The following LGSN variants were observed in gnomAD, a reference collection of about 807,000 sequenced individuals.
LGSN encodes lengsin.
Under a neutral mutation model 19.5 loss-of-function variants are expected in LGSN, and 21 were observed. That is an observed-to-expected ratio of 1.07 (90% CI 0.76 to 1.55). The LOEUF (loss-of-function observed/expected upper bound fraction) is 1.55, where lower values mean the gene tolerates loss of function less well. Ranked by LOEUF, LGSN falls within the 40% of genes most tolerant of loss-of-function variation. LGSN has a pLI of 0.00. For synonymous variants in LGSN, 257 were observed against 215.6 expected, an observed-to-expected ratio of 1.19 and a Z score of -1.68; for missense variants, 673 against 608.5, an observed-to-expected ratio of 1.11 and a Z score of -1.12.
At chr6:63,304,888 C>T (rs1043521286) in intron 1 of LGSN, among the ~76,000 whole-genome samples, 13 of 152,118 alleles carry the variant, frequency 8.5e-5, no homozygotes, top group Admixed American at 7.9e-4. Flanking sequence ...CAATAATGTG[C>T]TAAGACAGAA....
At chr6:63,500,692 A>G in the LGSN span, among the ~76,000 whole-genome samples, 1 of 151,106 alleles carries the variant, frequency 6.6e-6, no homozygotes, top group African/African-American at 2.4e-5. Flanking sequence ...AAATGCTGGG[A>G]TTACAGGCGT....
the LGSN span, among the ~76,000 whole-genome samples, chr6:63,561,692 A>T: frequency 1.3e-5 from 2 of 152,232 alleles, no homozygotes; most frequent in African/African-American, 2.4e-5. Context: ...CTTGGTTTAT[A>T]GCCACAAACA....
the LGSN span, among the ~76,000 whole-genome samples, chr6:63,466,132 T>C: frequency 6.6e-6 from 1 of 152,214 alleles, no homozygotes; most frequent in Non-Finnish European, 1.5e-5. Context: ...ACTCCTGGCC[T>C]CAAGAGATCC....
chr6:63,303,725 C>A (rs1385098289), intron 1 of LGSN, among the ~76,000 whole-genome samples: 4 of 152,154 alleles, frequency 2.6e-5, no homozygotes, highest in Admixed American at 6.5e-5. Flanking sequence ...TACAGTCAAA[C>A]CCTTCATGGT....
chr6:63,420,096 T>G, the LGSN span, among the ~76,000 whole-genome samples: 4 of 149,058 alleles, frequency 2.7e-5, no homozygotes, highest in Middle Eastern at 3.6e-3. Context: ...CCAGCTACTC[T>G]GGAGGCTGAG....
the LGSN span, among the ~76,000 whole-genome samples, chr6:63,383,700 T>C: frequency 6.6e-6 from 1 of 152,176 alleles, no homozygotes; most frequent in African/African-American, 2.4e-5. Flanking sequence ...CTATAATAGT[T>C]TCTAATATCC....
At chr6:63,305,933 A>G (rs1024032018) in intron 1 of LGSN, among the ~76,000 whole-genome samples, 4 of 151,914 alleles carry the variant, frequency 2.6e-5, no homozygotes, top group African/African-American at 9.7e-5. Flanking sequence ...TTGATGGCTA[A>G]TTTGGTGTCT....
chr6:63,508,220 T>C, the LGSN span, among the ~76,000 whole-genome samples: 2 of 152,202 alleles, frequency 1.3e-5, no homozygotes, highest in South Asian at 4.1e-4. Flanking sequence ...GTTTAGGACA[T>C]TAAAGCTGAA....
the LGSN span, among the ~76,000 whole-genome samples, chr6:63,381,212 GA>G: frequency 3.9e-5 from 6 of 151,970 alleles, no homozygotes; most frequent in South Asian, 8.3e-4. Flanking sequence ...AAAGAAAGAA[GA>G]AAAAAATTTG....
chr6:63,286,856 G>A (rs183303136), intron 2 of LGSN, among the ~76,000 whole-genome samples: 29 of 152,242 alleles, frequency 1.9e-4, no homozygotes, highest in Admixed American at 1.9e-3. Context: ...TACTTCATAG[G>A]CTTGTTATGA....
At chr6:63,313,552 C>A (rs1421968752) in intron 1 of LGSN, among the ~76,000 whole-genome samples, 1 of 152,024 alleles carries the variant, frequency 6.6e-6, no homozygotes, top group South Asian at 2.1e-4. Context: ...AATGCTAAGA[C>A]AGCCAGGCAC....
chr6:63,490,699 A>G, the LGSN span, among the ~76,000 whole-genome samples: 2 of 152,046 alleles, frequency 1.3e-5, no homozygotes, highest in Non-Finnish European at 2.9e-5. Context: ...GCAGTCTCCC[A>G]AGTAGCTGGG....
At chr6:63,488,440 T>C in the LGSN span, among the ~76,000 whole-genome samples, 1 of 152,110 alleles carries the variant, frequency 6.6e-6, no homozygotes, top group Non-Finnish European at 1.5e-5. Context: ...AAAACTCTGC[T>C]CCATACCTTG....
the LGSN span, among the ~76,000 whole-genome samples, chr6:63,387,401 A>G: frequency 6.6e-6 from 1 of 152,204 alleles, no homozygotes; most frequent in Admixed American, 6.5e-5. Context: ...TACATATTAT[A>G]TATCTTTGTT....
At chr6:63,394,689 C>T in the LGSN span, among the ~76,000 whole-genome samples, 1 of 152,238 alleles carries the variant, frequency 6.6e-6, no homozygotes, top group African/African-American at 2.4e-5. Context: ...GGATTTACCT[C>T]GAATTCTTTT....
chr6:63,480,420 AAG>A, the LGSN span: 26 of 195,576 alleles, frequency 1.3e-4, no homozygotes, highest in Admixed American at 1.2e-3. Context: ...ACAGATAGTG[AAG>A]ATGACAATGA....
chr6:63,371,123 C>T, the LGSN span, among the ~76,000 whole-genome samples: 2 of 152,212 alleles, frequency 1.3e-5, no homozygotes, highest in Admixed American at 1.3e-4. Flanking sequence ...TCCCTTTCAG[C>T]AAAGCAAGTT....
At chr6:63,434,987 C>G in the LGSN span, among the ~76,000 whole-genome samples, 2 of 152,208 alleles carry the variant, frequency 1.3e-5, no homozygotes, top group Middle Eastern at 3.2e-3. Flanking sequence ...TTTTCACATT[C>G]ATTAGCTACA....
chr6:63,290,911 T>C (rs1166336549), intron 2 of LGSN, among the ~76,000 whole-genome samples: 2 of 152,188 alleles, frequency 1.3e-5, no homozygotes, highest in African/African-American at 2.4e-5. Context: ...GCCCATCTTT[T>C]GTATTAACCG....
Sources: gnomAD v4.1 joint callset for allele counts (sites outside exome capture counted in the v4.1 genomes callset) on GRCh38, gnomAD v4.1.1 for gene constraint, MANE v1.5 for transcripts, NCBI Gene and HGNC (gene_info 2026-07-23, HGNC 2026-07-21) for gene names.